EDA: variants seen among roughly 807,000 people sequenced by gnomAD.
EDA encodes ectodysplasin A, also known as ectodysplasin-A.
A neutral mutation model predicts 23.6 loss-of-function variants in EDA; 2 were observed. The ratio of observed to expected loss-of-function variants is 0.08; its 90% confidence interval spans 0.03 to 0.27. The LOEUF is 0.27. EDA is among the 10% of genes least tolerant of loss of function. The probability of loss-of-function intolerance (pLI) is 1.00; values close to 1 mark genes in which losing one functional copy is unlikely to be tolerated. For synonymous variants in EDA, 131 were observed against 132.0 expected (o/e 0.99, Z 0.05); for missense variants, 229 against 324.2 (o/e 0.71, Z 2.26).
chrX:69,755,298 C>T (rs908085362), intron 1 of EDA, among the ~76,000 whole-genome samples: 2 of 112,028 alleles, frequency 1.8e-5, no homozygotes, highest in African/African-American at 6.5e-5. Flanking sequence ...CCCTCATCTG[C>T]AGGTCTGTTG....
At position 70,036,528 on chromosome X, in the gene EDA, G is replaced by A; in HGVS notation, c.*919G>A. 8.9e-6 allele frequency: 1 copy of A among 112,482 alleles called. No individual in the cohort carries two copies. The allele number at this position is 112,482 out of a possible 1,213,427, so 9.3% of individuals were successfully genotyped here. On this transcript the variant is annotated 3_prime_UTR_variant, in exon 8 of 8. Transcript: ENST00000374552. ...GTCTGGGATATTCTTTAGCTTACCT[G>A]GGCACAAACAGAATTTTCCATTTAT...
chrX:69,938,007 G>C (rs2018700064), intron 1 of EDA: 1 of 1,173,223 alleles, frequency 8.5e-7, no homozygotes, highest in Admixed American at 2.2e-5. Context: ...ATGTACAGTT[G>C]CTGCTGGCAT....
chrX:69,722,633 G>A (rs1297905695), intron 1 of EDA, among the ~76,000 whole-genome samples: 1 of 111,087 alleles, frequency 9.0e-6, no homozygotes, highest in Non-Finnish European at 1.9e-5. Context: ...CTGAATCTTG[G>A]CCTTTTGGGT....
At chrX:69,715,867 T>A (rs1310446563) in intron 1 of EDA, among the ~76,000 whole-genome samples, 1 of 111,634 alleles carries the variant, frequency 9.0e-6, no homozygotes, top group Non-Finnish European at 1.9e-5. Flanking sequence ...GCTTGTTGGC[T>A]GCATGTATAT....
chrX:70,021,060 T>G (rs1011967195), intron 2 of EDA, among the ~76,000 whole-genome samples: 1 of 112,434 alleles, frequency 8.9e-6, no homozygotes, highest in Non-Finnish European at 1.9e-5. Context: ...TCCATTTCTC[T>G]CTTTTCACTT....
In EDA at chrX:69,828,591, G is replaced by C. The variant is rs780479601; in HGVS notation, c.397-128436G>C. The stretch of plus-strand genomic sequence containing the variant: ...CGGTGCACTGCACCCACTGACCTGT[G>C]CCCAGTGTCTGGCACTCCCTAGTGA... On this transcript the variant is annotated intron_variant, in intron 1 of 7. Transcript: ENST00000374552. Among the ~76,000 whole-genome samples, 4 of 111,838 alleles carry C rather than the reference G, an allele frequency of 3.6e-5. No homozygotes were observed. In the East Asian group the frequency reaches 1.1e-3, roughly 32 times the overall value.
intron 1 of EDA, among the ~76,000 whole-genome samples, chrX:69,734,539 T>C (rs776550817): frequency 1.2e-4 from 14 of 112,064 alleles, no homozygotes; most frequent in Admixed American, 2.8e-4. Context: ...AATGTTAGTC[T>C]TTCTATTCTG....
rs771559545 is a variant in EDA at position 69,616,432 on chromosome X, C to G, written c.124C>G (p.Leu42Val). 8 of 1,211,860 alleles carry G rather than the reference C, an allele frequency of 6.6e-6. No individual in the cohort carries two copies. Among genetic ancestry groups the G allele is most frequent in the Non-Finnish European group, 8.9e-6 (8 of 895,478 alleles). Residue 42 changes from leucine to valine, a missense_variant, in exon 1 of 8, where the codon CTC (leucine) becomes GTC (valine). By Grantham distance (32) the Leu-to-Val change is conservative. Coordinates refer to ENST00000374552, the MANE Select transcript of EDA (RefSeq NM_001399.5). ...ARAGEGNSCLLFLGFFGLSLA... is the reference protein window; with the variant it reads ...ARAGEGNSCLVFLGFFGLSLA... ...GGCGGGCGAAGGGAACAGCTGCCTG[C>G]TCTTCCTGGGTTTCTTTGGCCTCTC...
At chrX:69,654,074 A>C (rs1410647937) in intron 1 of EDA, among the ~76,000 whole-genome samples, 1 of 112,061 alleles carries the variant, frequency 8.9e-6, no homozygotes, top group African/African-American at 3.2e-5. Context: ...TAATATCCAG[A>C]ATCTACAATG....
At chrX:69,778,471 C>A (rs2014849394) in intron 1 of EDA, among the ~76,000 whole-genome samples, 1 of 111,803 alleles carries the variant, frequency 8.9e-6, no homozygotes, top group Admixed American at 9.5e-5. Flanking sequence ...TTAAATGTCT[C>A]CTCCATAAGC....
At chrX:69,865,696 C>T (rs747558493) in intron 1 of EDA, among the ~76,000 whole-genome samples, 1 of 111,400 alleles carries the variant, frequency 9.0e-6, no homozygotes, top group South Asian at 3.8e-4. Context: ...ATCACAAGTC[C>T]ACCCCTTGTC....
chrX:69,821,212 T>C (rs1365104890), intron 1 of EDA, among the ~76,000 whole-genome samples: 1 of 79,876 alleles, frequency 1.3e-5, no homozygotes, highest in African/African-American at 5.1e-5. Context: ...CATAGACACA[T>C]GGGTGGAACA....
chrX:69,861,798 G>A (rs749247513), intron 1 of EDA, among the ~76,000 whole-genome samples: 30 of 111,783 alleles, frequency 2.7e-4, no homozygotes, highest in African/African-American at 9.1e-4. Flanking sequence ...AATTAACCAC[G>A]TTTCTGTCAT....
chrX:69,703,499 G>A (rs958494709), intron 1 of EDA, among the ~76,000 whole-genome samples: 1 of 112,359 alleles, frequency 8.9e-6, no homozygotes, highest in Non-Finnish European at 1.9e-5. Context: ...ACAACACGAG[G>A]TAGTGTGGAG....
intron 1 of EDA, among the ~76,000 whole-genome samples, chrX:69,758,561 T>G (rs1315769918): frequency 2.7e-5 from 3 of 112,511 alleles, no homozygotes; most frequent in Non-Finnish European, 3.8e-5. Flanking sequence ...AGGCCAGGCG[T>G]GGTGGCTCAC....
At chrX:69,923,871 G>C (rs2018472757) in intron 1 of EDA, among the ~76,000 whole-genome samples, 1 of 111,673 alleles carries the variant, frequency 9.0e-6, no homozygotes, top group African/African-American at 3.3e-5. Flanking sequence ...ATTCTGACTG[G>C]CATGAGATCG....
intron 1 of EDA, among the ~76,000 whole-genome samples, chrX:69,655,787 T>TA: frequency 2.3e-5 from 2 of 88,354 alleles, no homozygotes; most frequent in African/African-American, 9.4e-5. Flanking sequence ...TATATATATA[T>TA]TGCACTTTGT....
chrX:69,785,504 G>T (rs1397834233), intron 1 of EDA, among the ~76,000 whole-genome samples: 5 of 108,231 alleles, frequency 4.6e-5, no homozygotes, highest in South Asian at 4.1e-4. Flanking sequence ...TAGCATGAAG[G>T]GTTGTTGAAT....
intron 1 of EDA, among the ~76,000 whole-genome samples, chrX:69,715,930 G>A (rs139361231): frequency 0.014 from 1,541 of 110,923 alleles, 20 homozygotes; most frequent in African/African-American, 0.046. Context: ...TAATGGGTTT[G>A]TTTTCTTGTA....
Sources: gnomAD v4.1 joint callset for allele counts (sites outside exome capture counted in the v4.1 genomes callset) on GRCh38, gnomAD v4.1.1 for gene constraint, MANE v1.5 for transcripts, NCBI Gene and HGNC (gene_info 2026-07-23, HGNC 2026-07-21) for gene names.